The following BBS9 variants were observed in gnomAD, a reference collection of about 807,000 sequenced individuals.
The protein encoded by BBS9 is protein PTHB1.
Under a neutral mutation model 117.7 loss-of-function variants are expected in BBS9, and 89 were observed. The ratio of observed to expected loss-of-function variants is 0.76; its 90% CI spans 0.64 to 0.90. The LOEUF is 0.90. Ranked by LOEUF, BBS9 falls within the 40% of genes least tolerant of loss-of-function variation. The pLI, the probability that BBS9 is intolerant of heterozygous loss-of-function variation, is 0.00. For missense variants in BBS9, 982 were observed against 1,042.2 expected, an observed-to-expected ratio of 0.94 and a Z score of 0.80; for synonymous variants, 379 against 370.9, an observed-to-expected ratio of 1.02 and a Z score of -0.25.
intron 21 of BBS9, among the ~76,000 whole-genome samples, chr7:33,629,887 C>T (rs367938232): frequency 9.2e-5 from 14 of 152,150 alleles, no homozygotes; most frequent in African/African-American, 3.4e-4. Flanking sequence ...CTCTGAGTTC[C>T]TCTAAAACTC....
chr7:33,568,583 G>A (rs978703641), intron 21 of BBS9, among the ~76,000 whole-genome samples: 2 of 152,186 alleles, frequency 1.3e-5, no homozygotes, highest in African/African-American at 4.8e-5. Flanking sequence ...TGAGTTGAGT[G>A]TATGCATGAA....
At chr7:33,433,757 G>A (rs554431380) in intron 19 of BBS9, among the ~76,000 whole-genome samples, 2 of 152,024 alleles carry the variant, frequency 1.3e-5, no homozygotes, top group South Asian at 2.1e-4. Context: ...ATTAATATGA[G>A]GCTGATGTAA....
chr7:33,492,504 T>C (rs1844127462), intron 19 of BBS9, among the ~76,000 whole-genome samples: 1 of 152,172 alleles, frequency 6.6e-6, no homozygotes, highest in Non-Finnish European at 1.5e-5. Context: ...CTGTCACAGA[T>C]TTTTTAATGT....
At chr7:33,274,099 A>T (rs1800303365) in intron 9 of BBS9, 143 bp downstream of exon 9, 1 of 872,890 alleles carries the variant, frequency 1.1e-6, no homozygotes, top group East Asian at 2.7e-5. Context: ...AAAGTAATTT[A>T]AAATATAACT....
chr7:33,193,336 G>A (rs1784433228), intron 5 of BBS9, among the ~76,000 whole-genome samples: 1 of 149,368 alleles, frequency 6.7e-6, no homozygotes, highest in Admixed American at 6.7e-5. Context: ...AGTGTGAAAT[G>A]TTTTTAGAGA....
chr7:33,613,998 A>G (rs1490730089), intron 21 of BBS9, among the ~76,000 whole-genome samples: 3 of 152,076 alleles, frequency 2.0e-5, no homozygotes, highest in African/African-American at 7.2e-5. Flanking sequence ...CAGTTGACAC[A>G]ACTAAATGCT....
intron 20 of BBS9, among the ~76,000 whole-genome samples, chr7:33,518,320 G>A (rs1848116774): frequency 7.3e-6 from 1 of 137,204 alleles, no homozygotes; most frequent in South Asian, 2.3e-4. Context: ...GCACAATCCC[G>A]GCTCACTGCA....
At chr7:33,546,424 C>T (rs1853381328) in intron 21 of BBS9, among the ~76,000 whole-genome samples, 1 of 152,064 alleles carries the variant, frequency 6.6e-6, no homozygotes, top group South Asian at 2.1e-4. Flanking sequence ...TTATACTTTT[C>T]CATGAATATG....
intron 20 of BBS9, among the ~76,000 whole-genome samples, chr7:33,521,383 T>C (rs1253293187): frequency 6.6e-6 from 1 of 152,220 alleles, no homozygotes; most frequent in African/African-American, 2.4e-5. Context: ...GGCAGTGTGC[T>C]TGATTTTCCA....
chr7:33,297,622 TG>T (rs1313822037), intron 9 of BBS9, among the ~76,000 whole-genome samples: 1 of 152,104 alleles, frequency 6.6e-6, no homozygotes, highest in African/African-American at 2.4e-5. Flanking sequence ...CCACCTTTTT[TG>T]TGGAGTGGGC....
At chr7:33,249,574 CT>C (rs2128298374) in intron 5 of BBS9, among the ~76,000 whole-genome samples, 1 of 151,834 alleles carries the variant, frequency 6.6e-6, no homozygotes, top group Non-Finnish European at 1.5e-5. Context: ...TTGGTCAGTT[CT>C]TTCTCAATTT....
intron 19 of BBS9, among the ~76,000 whole-genome samples, chr7:33,425,439 T>C (rs1833520117): frequency 6.6e-6 from 1 of 152,206 alleles, no homozygotes; most frequent in South Asian, 2.1e-4. Flanking sequence ...GCTGCACTTA[T>C]CAGCCCATCA....
intron 11 of BBS9, among the ~76,000 whole-genome samples, chr7:33,343,789 G>A (rs542508899): frequency 3.9e-5 from 6 of 152,034 alleles, no homozygotes; most frequent in Admixed American, 6.6e-5. Context: ...ATGAGCCACC[G>A]CACATGGCCT....
At chr7:33,509,130 C>G in intron 20 of BBS9, among the ~76,000 whole-genome samples, 1 of 152,252 alleles carries the variant, frequency 6.6e-6, no homozygotes, top group African/African-American at 2.4e-5. Context: ...AAAAACATAA[C>G]TTGGAGAAGA....
intron 9 of BBS9, among the ~76,000 whole-genome samples, chr7:33,329,591 CT>C (rs58558820): frequency 0.12 from 17,677 of 152,082 alleles, 1,234 homozygotes; most frequent in African/African-American, 0.19. Context: ...TATTCCCCCC[CT>C]ATCATTTGGG....
chr7:33,566,695 G>A (rs1310105653), intron 21 of BBS9, among the ~76,000 whole-genome samples: 1 of 151,998 alleles, frequency 6.6e-6, no homozygotes, highest in East Asian at 1.9e-4. Flanking sequence ...GAATTAGTTA[G>A]TCATTACTGT....
At chr7:33,387,901 T>G in intron 18 of BBS9, 91 bp from the exon 19 acceptor site, 2 of 1,420,196 alleles carry the variant, frequency 1.4e-6, no homozygotes, top group Non-Finnish European at 2.0e-6. Context: ...TCTTCATTAC[T>G]CTTTTACTTT....
At chr7:33,534,958 CTCT>C (rs374266096) in intron 21 of BBS9, among the ~76,000 whole-genome samples, 1 of 152,240 alleles carries the variant, frequency 6.6e-6, no homozygotes, top group South Asian at 2.1e-4. Flanking sequence ...GTGTGGTTTT[CTCT>C]TCTTCCTTCT....
At chr7:33,322,527 A>G (rs1313075159) in intron 9 of BBS9, among the ~76,000 whole-genome samples, 1 of 151,932 alleles carries the variant, frequency 6.6e-6, no homozygotes, top group Non-Finnish European at 1.5e-5. Flanking sequence ...TTATTGGCAT[A>G]TAGTTGCTCA....
Sources: gnomAD v4.1 joint callset for allele counts (sites outside exome capture counted in the v4.1 genomes callset) on GRCh38, gnomAD v4.1.1 for gene constraint, MANE v1.5 for transcripts, NCBI Gene and HGNC (gene_info 2026-07-23, HGNC 2026-07-21) for gene names.